The following NRP2 variants were observed in gnomAD, a reference collection of about 807,000 sequenced individuals.
NRP2 encodes the protein neuropilin 2.
NRP2 carries 52 observed loss-of-function variants against 110.4 expected under a neutral mutation model. The ratio of observed to expected loss-of-function variants is 0.47; its 90% CI spans 0.38 to 0.59. The LOEUF (loss-of-function observed/expected upper bound fraction) is 0.59. NRP2 is among the 20% of genes least tolerant of loss of function. The pLI, the probability that NRP2 is intolerant of heterozygous loss-of-function variation, is 0.00. For missense variants in NRP2, 1,049 were observed against 1,203.0 expected (o/e 0.87, Z 1.89); for synonymous variants, 508 against 468.9 (o/e 1.08, Z -1.08).
intron 12 of NRP2, among the ~76,000 whole-genome samples, chr2:205,758,915 GC>G (rs1201659350): frequency 6.6e-6 from 1 of 151,972 alleles, no homozygotes; most frequent in Non-Finnish European, 1.5e-5. Context: ...TAAAAAAGTA[GC>G]CCCCCGCCCC....
intron 8 of NRP2, among the ~76,000 whole-genome samples, chr2:205,742,421 G>A (rs781357522): frequency 1.1e-4 from 17 of 152,208 alleles, no homozygotes; most frequent in African/African-American, 7.2e-5. Context: ...AAACTAGAAT[G>A]TGCACATGAA....
chr2:205,704,094 C>A (rs1394598453), intron 2 of NRP2, among the ~76,000 whole-genome samples: 1 of 152,152 alleles, frequency 6.6e-6, no homozygotes, highest in East Asian at 1.9e-4. Context: ...CCTCCCCCAC[C>A]CCGCCGCCAG....
chr2:205,779,477 C>A lies in NRP2; in HGVS notation c.2425+12674C>A, dbSNP rs1341375913. 3 of 152,134 alleles carry A rather than the reference C, an allele frequency of 2.0e-5. No homozygotes were observed. In the South Asian group the frequency reaches 6.2e-4, roughly 31 times the overall value. The allele number at this position is 152,134 out of a possible 1,614,324, so 9.4% of individuals were successfully genotyped here. A position where few individuals can be genotyped will look rare whatever the true frequency, so the allele number is the denominator to read the frequency against. On this transcript the variant is annotated intron_variant, in intron 15 of 16. Transcript: ENST00000357785. ...AGTTGATAGCCGATCTTTAAGAAGA[C>A]CCTGTCTTTAAAATGAAACTAGCAG...
At chr2:205,769,177 C>T (rs1455086053) in intron 15 of NRP2, among the ~76,000 whole-genome samples, 2 of 152,150 alleles carry the variant, frequency 1.3e-5, no homozygotes, top group Non-Finnish European at 2.9e-5. Flanking sequence ...AGGGGGCAGG[C>T]AAGGTATGGA....
chr2:205,795,361 G>GTATTATTAT lies in NRP2; in HGVS notation c.*325_*333dup, dbSNP rs11280948. The GTATTATTAT allele has an allele frequency of 0.054, 7,916 of 146,482 alleles. 309 individuals are homozygous for GTATTATTAT. The highest frequency in any genetic ancestry group is 0.18 in the East Asian group (909 of 5,038). The allele number at this position is 146,482 out of a possible 1,614,324, so 9.1% of individuals were successfully genotyped here. ...ACAGTTCTATTTTGTTTGTGAGTTT[G>GTATTATTAT]TATTATTATTATTATTATTATTATT... On this transcript the variant is annotated 3_prime_UTR_variant, in exon 17 of 17. Transcript: ENST00000357785.
At chr2:205,700,391 G>A (rs1294503832) in intron 2 of NRP2, among the ~76,000 whole-genome samples, 1 of 152,204 alleles carries the variant, frequency 6.6e-6, no homozygotes, top group Non-Finnish European at 1.5e-5. Flanking sequence ...CAGCAGCAAT[G>A]CCCCAGCAAA....
intron 15 of NRP2, among the ~76,000 whole-genome samples, chr2:205,773,931 C>T (rs2058059941): frequency 6.6e-6 from 1 of 152,284 alleles, no homozygotes; most frequent in Admixed American, 6.5e-5. Context: ...GAAAGCTAAT[C>T]CCTGAGGATT....
chr2:205,769,476 T>C (rs1186348720), intron 15 of NRP2, among the ~76,000 whole-genome samples: 2 of 148,478 alleles, frequency 1.3e-5, no homozygotes, highest in Non-Finnish European at 3.0e-5. Context: ...CATCCTGTGT[T>C]TTCTGCTGTG....
At chr2:205,710,843 A>C (rs1030403708) in intron 2 of NRP2, among the ~76,000 whole-genome samples, 4 of 152,192 alleles carry the variant, frequency 2.6e-5, no homozygotes, top group African/African-American at 9.7e-5. Flanking sequence ...GGAGGTGATA[A>C]ATTCTCTGGC....
chr2:205,747,637 A>G (rs966410318), intron 10 of NRP2, among the ~76,000 whole-genome samples: 6 of 152,174 alleles, frequency 3.9e-5, no homozygotes, highest in African/African-American at 1.4e-4. Flanking sequence ...TTTGGGAAAT[A>G]TCACAGACCT....
intron 1 of NRP2, among the ~76,000 whole-genome samples, 192 bp downstream of exon 1, chr2:205,683,555 A>AGTGTGT (rs60199072): frequency 1.3e-5 from 2 of 150,022 alleles, no homozygotes; most frequent in Non-Finnish European, 3.0e-5. Context: ...TCCTGCTAGG[A>AGTGTGT]GTGTGTGTGT....
chr2:205,728,506 A>G (rs961227842), intron 7 of NRP2, among the ~76,000 whole-genome samples: 24 of 152,240 alleles, frequency 1.6e-4, no homozygotes, highest in Admixed American at 2.0e-4. Context: ...AAGAAAAAGG[A>G]CAATAAATAA....
At chr2:205,719,175 T>C (rs1367925122) in intron 3 of NRP2, among the ~76,000 whole-genome samples, 1 of 152,050 alleles carries the variant, frequency 6.6e-6, no homozygotes, top group Non-Finnish European at 1.5e-5. Flanking sequence ...TGTTTGCTAG[T>C]CGGATTCATA....
chr2:205,743,935 G>A (rs2057491879), intron 9 of NRP2, among the ~76,000 whole-genome samples: 1 of 152,098 alleles, frequency 6.6e-6, no homozygotes, highest in Admixed American at 6.6e-5. Flanking sequence ...GTAGAGATGG[G>A]GTTTCACCGT....
At chr2:205,758,237 A>G (rs1029976189) in intron 12 of NRP2, among the ~76,000 whole-genome samples, 1 of 152,210 alleles carries the variant, frequency 6.6e-6, no homozygotes. Context: ...CTATGCAAAG[A>G]GACTACATCT....
intron 8 of NRP2, among the ~76,000 whole-genome samples, chr2:205,742,641 T>C (rs1307086659): frequency 2.0e-5 from 3 of 152,208 alleles, no homozygotes; most frequent in African/African-American, 7.2e-5. Flanking sequence ...AAAGACCTGA[T>C]ACTGATGCCA....
intron 15 of NRP2, 135 bp from the exon 16 acceptor site, chr2:205,792,100 A>G (rs2058307974): frequency 5.9e-6 from 4 of 681,000 alleles, no homozygotes; most frequent in Non-Finnish European, 1.1e-5. Context: ...TCCATAATGA[A>G]TGATCTAGAA....
intron 15 of NRP2, among the ~76,000 whole-genome samples, chr2:205,791,801 A>C (rs1009770727): frequency 6.6e-6 from 1 of 152,246 alleles, no homozygotes; most frequent in Non-Finnish European, 1.5e-5. Flanking sequence ...CATGAAATCC[A>C]GAGGAGAAAG....
intron 2 of NRP2, among the ~76,000 whole-genome samples, chr2:205,708,003 A>G (rs1369241239): frequency 6.6e-6 from 1 of 152,232 alleles, no homozygotes; most frequent in Non-Finnish European, 1.5e-5. Flanking sequence ...AGGCCAGCGT[A>G]GGAAAATTTA....
Sources: gnomAD v4.1 joint callset for allele counts (sites outside exome capture counted in the v4.1 genomes callset) on GRCh38, gnomAD v4.1.1 for gene constraint, MANE v1.5 for transcripts, NCBI Gene and HGNC (gene_info 2026-07-23, HGNC 2026-07-21) for gene names.